The following CDKL4 variants were observed in gnomAD, a reference collection of about 807,000 sequenced individuals.
CDKL4 encodes the protein cyclin-dependent kinase-like 4.
CDKL4 carries 44 observed loss-of-function variants against 42.0 expected under a neutral mutation model. The observed-to-expected ratio is 1.05, with a 90% CI of 0.82 to 1.35. The LOEUF (loss-of-function observed/expected upper bound fraction) is 1.35. Ranked by LOEUF, CDKL4 falls within the 40% of genes most tolerant of loss-of-function variation. The pLI is 0.00. For synonymous variants in CDKL4, 120 were observed against 121.6 expected (o/e 0.99, Z 0.09); for missense variants, 393 against 369.9 (o/e 1.06, Z -0.51).
chr2:39,187,695 T>C lies in CDKL4; in HGVS notation c.667A>G (p.Arg223Gly), dbSNP rs769435275. 2.7e-5 allele frequency: 44 copies of C among 1,610,834 alleles called. 1 individual carries two copies. The highest frequency in any genetic ancestry group is 1.3e-5 in the African/African-American group (1 of 74,872). Residue 223 changes from arginine to glycine, a missense_variant, in exon 7 of 10, where the codon AGA becomes GGA. Arg to Gly is a moderately radical substitution (Grantham distance 125). Coordinates refer to ENST00000451199, the Ensembl canonical transcript of CDKL4. ...TTACTTTTAAAGATTGATTGATGTC[T>C]TGGGATTAATTTTCCTGTAAAATAC...
upstream of CDKL4, among the ~76,000 whole-genome samples, chr2:39,244,989 AG>A (rs1402072790): frequency 1.3e-5 from 2 of 152,128 alleles, no homozygotes; most frequent in Admixed American, 6.5e-5. Context: ...TGTCTAGCTC[AG>A]GGATTGTAAA....
rs1678030263 is a variant in CDKL4, at chr2:39,217,852, G to T, written c.291-4380C>A. On this transcript the variant is annotated intron_variant, in intron 3 of 9. Coordinates refer to ENST00000451199, the Ensembl canonical transcript of CDKL4. ...GGGTTCAAGCGATTCTCCTGCCTCA[G>T]CCTCCCAAGTAGCTGGGATTACAGG... is the stretch of plus-strand genomic sequence containing the variant. 2.0e-5 allele frequency among the ~76,000 whole-genome samples: 3 copies of T among 152,074 alleles called. No individual in the cohort carries two copies. The South Asian group carries it at 6.2e-4, about 31-fold the overall frequency.
At chr2:39,169,156 C>T in the CDKL4 span, among the ~76,000 whole-genome samples, 5 of 152,196 alleles carry the variant, frequency 3.3e-5, no homozygotes, top group African/African-American at 1.2e-4. Context: ...GAAGTTAAAA[C>T]TTGATTAAAT....
At chr2:39,236,226 G>A (rs1679369405) in intron 1 of CDKL4, among the ~76,000 whole-genome samples, 1 of 147,366 alleles carries the variant, frequency 6.8e-6, no homozygotes, top group African/African-American at 2.5e-5. Flanking sequence ...GATGACAGAA[G>A]AAAGAATCAG....
At chr2:39,176,593 C>T (rs1305091406) in intron 9 of CDKL4, among the ~76,000 whole-genome samples, 1 of 152,052 alleles carries the variant, frequency 6.6e-6, no homozygotes, top group Non-Finnish European at 1.5e-5. Context: ...GCCACCATGC[C>T]CAGCTAATTT....
chr2:39,228,685 T>A (rs986595075), intron 2 of CDKL4, among the ~76,000 whole-genome samples: 1 of 152,084 alleles, frequency 6.6e-6, no homozygotes, highest in African/African-American at 2.4e-5. Flanking sequence ...TTCCAATGCA[T>A]ATTAACATTT....
chr2:39,195,343 C>G (rs1263495232), intron 5 of CDKL4, among the ~76,000 whole-genome samples: 1 of 152,174 alleles, frequency 6.6e-6, no homozygotes. Context: ...CTGCATCATA[C>G]AGTGATTCTA....
chr2:39,183,322 T>A (rs543976525), intron 8 of CDKL4, among the ~76,000 whole-genome samples: 2 of 152,132 alleles, frequency 1.3e-5, no homozygotes, highest in African/African-American at 2.4e-5. Flanking sequence ...TCATCTAATA[T>A]GGGGCAGGAA....
intron 4 of CDKL4, among the ~76,000 whole-genome samples, chr2:39,212,538 C>T (rs1042858805): frequency 3.2e-4 from 47 of 149,190 alleles, no homozygotes; most frequent in African/African-American, 1.1e-3. Context: ...CGGCCGGAAA[C>T]GGTTTTTAAA....
chr2:39,221,006 TTTTTTTGTTTTGTTTTTG>T, intron 3 of CDKL4, among the ~76,000 whole-genome samples: 2 of 53,806 alleles, frequency 3.7e-5, no homozygotes, highest in African/African-American at 9.1e-5. Context: ...TTTTTGTTTT[TTTTTTTGTTTTGTTTTTG>T]TTTTTTGAGA....
the CDKL4 span, among the ~76,000 whole-genome samples, chr2:39,170,296 G>GAAAAGAAAAGA: frequency 1.6e-4 from 21 of 135,384 alleles, no homozygotes; most frequent in African/African-American, 5.6e-4. Flanking sequence ...AAAAAAAAAA[G>GAAAAGAAAAGA]AAAGAAAAGA....
At chr2:39,193,268 G>GC (rs1676301742) in intron 5 of CDKL4, among the ~76,000 whole-genome samples, 1 of 139,100 alleles carries the variant, frequency 7.2e-6, no homozygotes, top group Non-Finnish European at 1.5e-5. Flanking sequence ...ATCTCTCTCT[G>GC]TTAAAAAAAA....
At chr2:39,177,283 G>GAGGCA (rs1315482010) in intron 9 of CDKL4, among the ~76,000 whole-genome samples, 2 of 152,196 alleles carry the variant, frequency 1.3e-5, no homozygotes, top group East Asian at 1.9e-4. Context: ...CCGTCGAGGC[G>GAGGCA]AGGCAAGGCA....
At chr2:39,204,804 C>A (rs77544551) in intron 4 of CDKL4, among the ~76,000 whole-genome samples, 187 bp from the exon 5 acceptor site, 6,283 of 151,570 alleles carry the variant, frequency 0.041, 209 homozygotes, top group African/African-American at 0.086. Context: ...AAAATTAAAA[C>A]TTTTATTAAA....
intron 3 of CDKL4, 77 bp downstream of exon 3, chr2:39,225,762 A>G: frequency 7.0e-7 from 1 of 1,419,956 alleles, no homozygotes; most frequent in Non-Finnish European, 9.5e-7. Flanking sequence ...CTGGGATTTG[A>G]AATTTGCCAT....
At position 39,185,425 on chromosome 2, in the gene CDKL4, T is replaced by TAC. The variant is rs1417168496; in HGVS notation, c.736-780_736-779dup. ...ATATGTGTATATATACATATATATA[T>TAC]ACATATGTATATATACATGTATATA... On this transcript the variant is annotated intron_variant, in intron 7 of 9. Transcript: ENST00000451199. Among the ~76,000 whole-genome samples, 12 of 19,872 alleles carry TAC rather than the reference T, an allele frequency of 6.0e-4. 4 individuals carry two copies. Among genetic ancestry groups the TAC allele is most frequent in the Non-Finnish European group, 1.8e-3 (8 of 4,334 alleles). The allele number at this position is 19,872 out of a possible 152,430, so 13.0% of individuals were successfully genotyped here.
chr2:39,190,157 C>A (rs1676088714), intron 6 of CDKL4, 148 bp downstream of exon 6: 2 of 568,920 alleles, frequency 3.5e-6, no homozygotes, highest in Non-Finnish European at 5.8e-6. Context: ...TGGCTACAAC[C>A]CAGAACTGAG....
intron 1 of CDKL4, among the ~76,000 whole-genome samples, chr2:39,234,486 C>T (rs1026234913): frequency 2.0e-5 from 3 of 151,782 alleles, no homozygotes; most frequent in East Asian, 1.9e-4. Flanking sequence ...AAAAGAAGTC[C>T]GAACGTATGT....
chr2:39,225,925 C>G (rs767729102), exon 3 of CDKL4: 1 of 1,610,878 alleles, frequency 6.2e-7, no homozygotes, highest in Non-Finnish European at 8.5e-7. Context: ...TCCTGAACAC[C>G]TCGATGAGGT....
Sources: gnomAD v4.1 joint callset for allele counts (sites outside exome capture counted in the v4.1 genomes callset) on GRCh38, gnomAD v4.1.1 for gene constraint, MANE v1.5 for transcripts, NCBI Gene and HGNC (gene_info 2026-07-23, HGNC 2026-07-21) for gene names.